SORT1: variants seen among roughly 807,000 people sequenced by gnomAD.
SORT1 encodes sortilin.
Under a neutral mutation model 101.7 loss-of-function variants are expected in SORT1, and 39 were observed. The observed-to-expected ratio is 0.38, with a 90% confidence interval of 0.30 to 0.50. SORT1 has a LOEUF of 0.50. Among genes scored for constraint, SORT1 ranks in the 20% least tolerant of loss-of-function variants. The probability of loss-of-function intolerance (pLI) is 0.90; values close to 1 mark genes in which losing one functional copy is unlikely to be tolerated. For synonymous variants in SORT1, 396 were observed against 393.7 expected (o/e 1.01, Z -0.07); for missense variants, 878 against 1,040.4 (o/e 0.84, Z 2.15).
chr1:109,340,910 G>A, intron 9 of SORT1, 31 bp from the exon 10 acceptor site: 1 of 1,572,832 alleles, frequency 6.4e-7, no homozygotes, highest in Non-Finnish European at 8.6e-7. Context: ...AAAATACTAA[G>A]TCTTGGGTGG....
At chr1:109,385,890 C>T (rs1032091479) in intron 1 of SORT1, among the ~76,000 whole-genome samples, 1 of 152,140 alleles carries the variant, frequency 6.6e-6, no homozygotes, top group Non-Finnish European at 1.5e-5. Flanking sequence ...AATTATATAT[C>T]ATTTAGTGCC....
intron 1 of SORT1, among the ~76,000 whole-genome samples, chr1:109,378,438 G>C (rs534859133): frequency 6.6e-6 from 1 of 151,604 alleles, no homozygotes; most frequent in African/African-American, 2.4e-5. Context: ...ATGATACATA[G>C]GCCTGAAAAT....
chr1:109,397,103 G>A (rs1464880850), intron 1 of SORT1: 2 of 152,196 alleles, frequency 1.3e-5, no homozygotes, highest in Non-Finnish European at 2.9e-5. Context: ...TCATTTCCAA[G>A]CTAGTCCCCT....
In SORT1 at chr1:109,311,526, G is replaced by A. The variant is rs1005619096; in HGVS notation, c.*2517C>T. 3 of 152,238 alleles carry A rather than the reference G, an allele frequency of 2.0e-5. No individual in the cohort carries two copies. The highest frequency in any genetic ancestry group is 4.4e-5 in the Non-Finnish European group (3 of 68,048). The allele number at this position is 152,238 out of a possible 1,614,324, so 9.4% of individuals were successfully genotyped here. ...TGAGAATGAGCCAGGCTGGCTGTCA[G>A]TCTTCAAACCAACAGAGCTAGCCAG... On this transcript the variant is annotated 3_prime_UTR_variant, in exon 20 of 20. Coordinates refer to ENST00000256637, the MANE Select transcript of SORT1 (RefSeq NM_002959.7).
intron 1 of SORT1, among the ~76,000 whole-genome samples, chr1:109,378,048 T>C (rs894862554): frequency 1.3e-5 from 2 of 151,918 alleles, no homozygotes; most frequent in Admixed American, 6.6e-5. Flanking sequence ...CTGGGCAATA[T>C]AGTGAGACCC....
intron 8 of SORT1, among the ~76,000 whole-genome samples, chr1:109,345,001 T>C (rs188053962): frequency 1.3e-5 from 2 of 152,180 alleles, no homozygotes; most frequent in African/African-American, 4.8e-5. Context: ...CCAGCCTTCA[T>C]ATTTATTTTT....
chr1:109,323,595 G>A (rs1312272060), intron 14 of SORT1, among the ~76,000 whole-genome samples: 1 of 152,208 alleles, frequency 6.6e-6, no homozygotes, highest in Non-Finnish European at 1.5e-5. Flanking sequence ...TAAGGAAGAA[G>A]GGAAAACATC....
intron 14 of SORT1, among the ~76,000 whole-genome samples, chr1:109,324,679 A>C (rs1265309889): frequency 6.6e-6 from 1 of 152,164 alleles, no homozygotes; most frequent in Non-Finnish European, 1.5e-5. Flanking sequence ...TAAATGACAT[A>C]TGTGGCCCTC....
intron 6 of SORT1, among the ~76,000 whole-genome samples, chr1:109,349,578 C>T (rs995466325): frequency 6.6e-6 from 1 of 151,894 alleles, no homozygotes; most frequent in African/African-American, 2.4e-5. Flanking sequence ...CCAGCCTGGG[C>T]AACATAGTGA....
chr1:109,362,065 T>C (rs964960802), intron 3 of SORT1, among the ~76,000 whole-genome samples: 1 of 152,210 alleles, frequency 6.6e-6, no homozygotes, highest in Admixed American at 6.5e-5. Context: ...AAGACTTTGA[T>C]GTGCCTCATG....
chr1:109,316,955 G>C lies in SORT1; in HGVS notation c.2145C>G (p.Tyr715Ter). The change falls in exon 17 of 20, where the codon TAC (tyrosine) becomes TAG (stop). Residue 715 changes from tyrosine (Y) to a stop codon, truncating the protein, a stop_gained. Transcript: ENST00000256637. LOFTEE classifies it high-confidence loss of function. ...GGCATTTGTCCCCTGGAATTTTCCGGTACCTACCAGGCAAAGAAGATTTGG... is the reference window on the plus strand; with the variant it reads ...GGCATTTGTCCCCTGGAATTTTCCGCTACCTACCAGGCAAAGAAGATTTGG... ...GREEHLTTNG[Y>*]RKIPGDKCQG... 6.3e-7 allele frequency: 1 copy of C among 1,592,436 alleles called. No homozygotes were observed. Among genetic ancestry groups the C allele is most frequent in the Non-Finnish European group, 8.6e-7 (1 of 1,163,668 alleles).
chr1:109,360,847 C>T (rs1056730969), intron 3 of SORT1, among the ~76,000 whole-genome samples: 4 of 152,152 alleles, frequency 2.6e-5, no homozygotes, highest in Non-Finnish European at 5.9e-5. Context: ...ATTGAGGAGG[C>T]AGCCTTGGTG....
rs1455914123 is a variant in SORT1, at chr1:109,313,466, AAAAAAAAAAAGAGTAAG to A, written c.*560_*576del. 1 of 152,900 alleles carries A rather than the reference AAAAAAAAAAAGAGTAAG, an allele frequency of 6.5e-6. No homozygotes were observed. Among genetic ancestry groups the A allele is most frequent in the African/African-American group, 2.4e-5 (1 of 41,408 alleles). 9.5% of individuals were successfully genotyped at this position (152,900 alleles called of 1,614,324 possible). ...ATCACTGTGGTCTGTGGTCTCTGAAAAAAAAAAAAAGAGTAAGTGGGATCTGTGTGAGGAGCTGGTGT... is the reference window on the plus strand; with the variant it reads ...ATCACTGTGGTCTGTGGTCTCTGAAATGGGATCTGTGTGAGGAGCTGGTGT... On this transcript the variant is annotated 3_prime_UTR_variant, in exon 20 of 20. Coordinates refer to ENST00000256637, the MANE Select transcript of SORT1 (RefSeq NM_002959.7).
chr1:109,368,971 CA>C (rs1651284017), intron 2 of SORT1, among the ~76,000 whole-genome samples: 1 of 152,230 alleles, frequency 6.6e-6, no homozygotes, highest in Non-Finnish European at 1.5e-5. Flanking sequence ...TGATGCTAAG[CA>C]GCCACCAAGG....
chr1:109,341,875 G>A, intron 9 of SORT1, 139 bp downstream of exon 9: 1 of 809,780 alleles, frequency 1.2e-6, no homozygotes, highest in South Asian at 1.5e-5. Flanking sequence ...AGGGGCTACA[G>A]ATGATCTCTA....
rs1201006003 is a variant in SORT1 at position 109,346,314 on chromosome 1, T to TC, written c.833-434_833-433insG. On this transcript the variant is annotated intron_variant, in intron 7 of 19. Transcript: ENST00000256637. ...TATGACAGAGCAAGACTCCGTCTCA[T>TC]AAAAAAAAAAAAAAAAAGTGATACA... is the stretch of plus-strand genomic sequence containing the variant. 4.6e-5 allele frequency among the ~76,000 whole-genome samples: 4 copies of TC among 86,802 alleles called. No homozygotes were observed. The Admixed American group carries it at 5.2e-4, about 11-fold the overall frequency. The allele number at this position is 86,802 out of a possible 152,430, so 56.9% of individuals were successfully genotyped here. A position where few individuals can be genotyped will look rare whatever the true frequency, so the allele number is the denominator to read the frequency against.
chr1:109,362,940 T>C (rs1650824287), intron 3 of SORT1, among the ~76,000 whole-genome samples: 3 of 152,212 alleles, frequency 2.0e-5, no homozygotes, highest in African/African-American at 7.2e-5. Flanking sequence ...TTACACAACA[T>C]GCCTTGAAGA....
At chr1:109,340,911 T>A (rs776048456) in intron 9 of SORT1, 32 bp from the exon 10 acceptor site, 1 of 1,572,744 alleles carries the variant, frequency 6.4e-7, no homozygotes, top group Non-Finnish European at 8.6e-7. Context: ...AAATACTAAG[T>A]CTTGGGTGGA....
chr1:109,337,624 C>G (rs1360166452), intron 10 of SORT1, among the ~76,000 whole-genome samples: 1 of 151,864 alleles, frequency 6.6e-6, no homozygotes, highest in East Asian at 1.9e-4. Flanking sequence ...TGAGTGCCTA[C>G]TATGTGAAAA....
Sources: allele counts gnomAD v4.1 joint callset (sites outside exome capture counted in the v4.1 genomes callset), GRCh38; gene constraint gnomAD v4.1.1; transcripts MANE v1.5; gene names NCBI Gene and HGNC (gene_info 2026-07-23, HGNC 2026-07-21).